MACROD2: variants seen among roughly 807,000 people sequenced by gnomAD.
MACROD2 encodes ADP-ribose glycohydrolase MACROD2.
Under a neutral mutation model 70.4 loss-of-function variants are expected in MACROD2, and 36 were observed. The observed-to-expected ratio is 0.51, with a 90% CI of 0.39 to 0.68. The LOEUF (loss-of-function observed/expected upper bound fraction) is 0.68. MACROD2 is among the 30% of genes least tolerant of loss of function. The probability of loss-of-function intolerance (pLI) is 0.00; values close to 1 mark genes in which losing one functional copy is unlikely to be tolerated. For synonymous variants in MACROD2, 172 were observed against 178.8 expected (o/e 0.96, Z 0.30); for missense variants, 496 against 538.4 (o/e 0.92, Z 0.78).
intron 5 of MACROD2, among the ~76,000 whole-genome samples, chr20:15,032,457 G>A (rs1398895865): frequency 7.9e-5 from 12 of 152,328 alleles, no homozygotes; most frequent in African/African-American, 2.9e-4. Flanking sequence ...TCTGCAGGCC[G>A]ATTGCCCAAC....
intron 6 of MACROD2, among the ~76,000 whole-genome samples, chr20:15,321,883 C>T (rs1443551406): frequency 7.0e-6 from 1 of 143,748 alleles, no homozygotes; most frequent in Non-Finnish European, 1.6e-5. Flanking sequence ...ACCTCTGCCT[C>T]CTGGGTTCAA....
chr20:14,240,910 C>A (rs1488347417), intron 3 of MACROD2, among the ~76,000 whole-genome samples: 3 of 152,134 alleles, frequency 2.0e-5, no homozygotes, highest in Non-Finnish European at 4.4e-5. Context: ...GTGGGTGGAT[C>A]ATGAGGTCAG....
At chr20:14,166,602 A>T (rs2055273238) in intron 3 of MACROD2, among the ~76,000 whole-genome samples, 1 of 152,166 alleles carries the variant, frequency 6.6e-6, no homozygotes, top group Non-Finnish European at 1.5e-5. Flanking sequence ...GAGGTCTCCC[A>T]GACAGTCCAG....
chr20:15,341,286 T>C (rs2078107925), intron 6 of MACROD2, among the ~76,000 whole-genome samples: 1 of 152,200 alleles, frequency 6.6e-6, no homozygotes, highest in Admixed American at 6.5e-5. Context: ...TTAAACACAT[T>C]CCTATTCATG....
At chr20:16,049,660 C>T (rs117230054) in intron 17 of MACROD2, among the ~76,000 whole-genome samples, 170 bp from the exon 18 acceptor site, 1 of 152,214 alleles carries the variant, frequency 6.6e-6, no homozygotes, top group Non-Finnish European at 1.5e-5. Context: ...TACCATGTGC[C>T]AGCAATTACA....
At chr20:15,299,939 AG>A (rs2077626448) in intron 6 of MACROD2, among the ~76,000 whole-genome samples, 1 of 152,210 alleles carries the variant, frequency 6.6e-6, no homozygotes, top group Admixed American at 6.5e-5. Flanking sequence ...AGCTTTGAGT[AG>A]AAACATCTAG....
At chr20:14,336,581 A>T (rs942219326) in intron 3 of MACROD2, among the ~76,000 whole-genome samples, 2 of 152,168 alleles carry the variant, frequency 1.3e-5, no homozygotes, top group South Asian at 2.1e-4. Flanking sequence ...TGCAAAACCC[A>T]CTTGATAAGG....
At chr20:15,350,144 G>C (rs2078211723) in intron 6 of MACROD2, among the ~76,000 whole-genome samples, 1 of 152,188 alleles carries the variant, frequency 6.6e-6, no homozygotes, top group Admixed American at 6.5e-5. Flanking sequence ...GAGAGAGAGT[G>C]AATACCTTTG....
intron 7 of MACROD2, among the ~76,000 whole-genome samples, chr20:15,434,294 T>C (rs2046399862): frequency 6.7e-6 from 1 of 150,104 alleles, no homozygotes; most frequent in Non-Finnish European, 1.5e-5. Context: ...CAAGAACTAA[T>C]ACCCAGAATC....
At chr20:15,638,502 A>G (rs1314504016) in intron 8 of MACROD2, among the ~76,000 whole-genome samples, 1 of 152,156 alleles carries the variant, frequency 6.6e-6, no homozygotes, top group East Asian at 1.9e-4. Context: ...AAAGAACTGC[A>G]AGTCATTAGA....
chr20:14,862,982 G>T (rs963874756), intron 5 of MACROD2, among the ~76,000 whole-genome samples: 40 of 151,600 alleles, frequency 2.6e-4, no homozygotes, highest in Non-Finnish European at 3.4e-4. Flanking sequence ...CACAGAAGAT[G>T]GGCAGTGACT....
chr20:14,268,979 G>T (rs772045958), intron 3 of MACROD2, among the ~76,000 whole-genome samples: 1 of 152,104 alleles, frequency 6.6e-6, no homozygotes, highest in Non-Finnish European at 1.5e-5. Flanking sequence ...TTGTGTGTTG[G>T]CGTAATAACA....
intron 5 of MACROD2, among the ~76,000 whole-genome samples, chr20:14,887,257 A>G (rs1369490085): frequency 6.6e-6 from 1 of 152,148 alleles, no homozygotes; most frequent in East Asian, 1.9e-4. Context: ...AATGGACTCA[A>G]CAGGGGCTAC....
At chr20:14,851,873 G>A (rs529573930) in intron 5 of MACROD2, among the ~76,000 whole-genome samples, 2 of 152,284 alleles carry the variant, frequency 1.3e-5, no homozygotes, top group Non-Finnish European at 2.9e-5. Flanking sequence ...AGCCCACGCT[G>A]TATACCAGCC....
At chr20:15,551,817 G>C (rs75828976) in intron 8 of MACROD2, among the ~76,000 whole-genome samples, 6 of 147,644 alleles carry the variant, frequency 4.1e-5, no homozygotes, top group African/African-American at 1.5e-4. Flanking sequence ...TGCAGTGAGC[G>C]GAACTAGCAT....
At chr20:15,603,956 G>A (rs1221366876) in intron 8 of MACROD2, among the ~76,000 whole-genome samples, 1 of 152,178 alleles carries the variant, frequency 6.6e-6, no homozygotes, top group Non-Finnish European at 1.5e-5. Context: ...TAAATTAGTG[G>A]TCATTCCTCT....
At chr20:15,032,981 ATGT>A (rs1161162020) in intron 5 of MACROD2, among the ~76,000 whole-genome samples, 1 of 152,232 alleles carries the variant, frequency 6.6e-6, no homozygotes, top group African/African-American at 2.4e-5. Flanking sequence ...AAAAGGGCAA[ATGT>A]TGTATGATTC....
intron 5 of MACROD2, among the ~76,000 whole-genome samples, chr20:14,830,892 T>C (rs1289411212): frequency 6.6e-6 from 1 of 152,166 alleles, no homozygotes; most frequent in Non-Finnish European, 1.5e-5. Context: ...GAAAATGTCC[T>C]CATGAGTCTT....
chr20:15,910,704 G>A (rs2065224359), intron 10 of MACROD2, among the ~76,000 whole-genome samples: 1 of 152,098 alleles, frequency 6.6e-6, no homozygotes, highest in African/African-American at 2.4e-5. Context: ...GTCCACGAAT[G>A]TTTTTAAATC....
Sources: gnomAD v4.1 joint callset for allele counts (sites outside exome capture counted in the v4.1 genomes callset) on GRCh38, gnomAD v4.1.1 for gene constraint, MANE v1.5 for transcripts, NCBI Gene and HGNC (gene_info 2026-07-23, HGNC 2026-07-21) for gene names.